ARHGAP19: variants seen among roughly 807,000 people sequenced by gnomAD.
The protein encoded by ARHGAP19 is Rho GTPase activating protein 19.
Under a neutral mutation model 60.9 loss-of-function variants are expected in ARHGAP19, and 48 were observed. The ratio of observed to expected loss-of-function variants is 0.79; its 90% confidence interval spans 0.62 to 1.00. The LOEUF (loss-of-function observed/expected upper bound fraction) is 1.00, where lower values mean the gene tolerates loss of function less well. Among genes scored for constraint, ARHGAP19 ranks in the 50% least tolerant of loss-of-function variants. The probability of loss-of-function intolerance (pLI) is 0.00; values close to 1 mark genes in which losing one functional copy is unlikely to be tolerated. For missense variants in ARHGAP19, 562 were observed against 597.2 expected (o/e 0.94, Z 0.61); for synonymous variants, 209 against 215.5 (o/e 0.97, Z 0.27).
intron 1 of ARHGAP19, chr10:97,270,539 T>C: frequency 7.4e-7 from 1 of 1,352,970 alleles, no homozygotes; most frequent in Non-Finnish European, 1.0e-6. Flanking sequence ...AAAACAACTT[T>C]CTACTCTACA....
intron 1 of ARHGAP19, 136 bp downstream of exon 1, chr10:97,292,436 C>T: frequency 2.6e-6 from 3 of 1,164,174 alleles, no homozygotes; most frequent in East Asian, 2.5e-5. Context: ...TCAGCCCCCG[C>T]AGGCGCGACG....
In ARHGAP19 at chr10:97,246,286, T is replaced by C. The variant is rs772438117; in HGVS notation, c.979A>G (p.Thr327Ala). Residue 327 changes from threonine (T) to alanine (A), a missense_variant, in exon 7 of 12, where the codon ACT becomes GCT. By Grantham distance (58) the Thr-to-Ala change is moderately conservative. Coordinates refer to ENST00000358531, the MANE Select transcript of ARHGAP19 (RefSeq NM_032900.6). ...CARLHYLGSR[T>A]QASKDDLDLI... is the part of the protein sequence containing the mutation. Reference sequence around the variant, plus strand: ...CCTATTCTTACCTTTGATGCCTGAGTTCTGGATCCCAAATAGTGCAATCTC... The same window carrying C: ...CCTATTCTTACCTTTGATGCCTGAGCTCTGGATCCCAAATAGTGCAATCTC... 7 of 1,613,744 alleles carry C rather than the reference T, an allele frequency of 4.3e-6. 1 individual carries two copies. The South Asian group carries it at 7.7e-5, about 18-fold the overall frequency.
At position 97,222,451 on chromosome 10, in the gene ARHGAP19, T is replaced by G. The variant is rs1318986065; in HGVS notation, c.*3671A>C. 6.6e-6 allele frequency: 1 copy of G among 152,210 alleles called. No homozygotes were observed. Among genetic ancestry groups the G allele is most frequent in the Non-Finnish European group, 1.5e-5 (1 of 68,068 alleles). 9.4% of individuals were successfully genotyped at this position (152,210 alleles called of 1,614,324 possible). On this transcript the variant is annotated 3_prime_UTR_variant, in exon 12 of 12. Coordinates refer to ENST00000358531, the MANE Select transcript of ARHGAP19 (RefSeq NM_032900.6). ...CATGGCCAGGGGAGGGCTCCATGGC[T>G]CTTTAGCACAGGCTGTGGCCTCACA...
At chr10:97,258,171 G>A (rs1284655108) in intron 5 of ARHGAP19, among the ~76,000 whole-genome samples, 1 of 152,110 alleles carries the variant, frequency 6.6e-6, no homozygotes, top group East Asian at 1.9e-4. Context: ...AAAAGCCTAT[G>A]CATAGAAAAG....
chr10:97,286,619 T>C (rs944703088), intron 1 of ARHGAP19, among the ~76,000 whole-genome samples: 1 of 152,212 alleles, frequency 6.6e-6, no homozygotes, highest in African/African-American at 2.4e-5. Context: ...AAGTCATGTT[T>C]ACTAACCAAT....
intron 6 of ARHGAP19, among the ~76,000 whole-genome samples, chr10:97,251,176 G>GAAGGGGAAGA (rs1842642299): frequency 1.0e-5 from 1 of 99,548 alleles, no homozygotes; most frequent in Non-Finnish European, 2.0e-5. Context: ...GAAGGGGAAG[G>GAAGGGGAAGA]GAAAGGGAAA....
At position 97,224,087 on chromosome 10, in the gene ARHGAP19, T is replaced by C. The variant is rs1322662292; in HGVS notation, c.*2035A>G. On this transcript the variant is annotated 3_prime_UTR_variant, in exon 12 of 12. Transcript: ENST00000358531. ...CATCTACATCCGTCTAAATCTCAGC[T>C]ACTTCCCTTAAATAGAATCAAAAAC... 2.0e-5 allele frequency: 3 copies of C among 152,228 alleles called. No individual in the cohort carries two copies. The highest frequency in any genetic ancestry group is 7.2e-5 in the African/African-American group (3 of 41,450). The allele number at this position is 152,228 out of a possible 1,614,324, so 9.4% of individuals were successfully genotyped here.
rs1007546620 is a variant in ARHGAP19 at position 97,292,514 on chromosome 10, G to A, written c.56+58C>T. 2.5e-6 allele frequency: 4 copies of A among 1,597,322 alleles called. No homozygotes were observed. The African/African-American group carries it at 4.0e-5, about 16-fold the overall frequency. On this transcript the variant is annotated intron_variant, in intron 1 of 11. Transcript: ENST00000358531. The stretch of plus-strand genomic sequence containing the variant: ...CGCCTCCGTGACCCAAGGCAAAGGC[G>A]GCAGGACTACCAGCCCAAGGCCGCG...
intron 6 of ARHGAP19, among the ~76,000 whole-genome samples, chr10:97,251,413 AGGAAGGGGAAG>A (rs1842658016): frequency 6.2e-5 from 1 of 16,112 alleles, no homozygotes; most frequent in Non-Finnish European, 1.1e-4. Flanking sequence ...GGGAAGGGAA[AGGAAGGGGAAG>A]GGAAGGGGAA....
chr10:97,250,529 G>A (rs1011204460), intron 6 of ARHGAP19, among the ~76,000 whole-genome samples: 2 of 151,556 alleles, frequency 1.3e-5, no homozygotes, highest in African/African-American at 4.8e-5. Flanking sequence ...GACTACAGGC[G>A]CCCACCACCA....
At chr10:97,260,462 G>A (rs977766007) in intron 4 of ARHGAP19, among the ~76,000 whole-genome samples, 42 of 151,798 alleles carry the variant, frequency 2.8e-4, no homozygotes, top group Admixed American at 5.2e-4. Flanking sequence ...CCTGGGAGGC[G>A]GAGCTTGCAG....
intron 1 of ARHGAP19, among the ~76,000 whole-genome samples, chr10:97,282,497 T>C (rs1325479270): frequency 6.6e-6 from 1 of 152,150 alleles, no homozygotes; most frequent in Non-Finnish European, 1.5e-5. Context: ...TTAAGCTAGT[T>C]TTAGTTTCTA....
At chr10:97,285,519 CTTT>C (rs1245251335) in intron 1 of ARHGAP19, among the ~76,000 whole-genome samples, 4 of 110,938 alleles carry the variant, frequency 3.6e-5, no homozygotes, top group Admixed American at 9.5e-5. Context: ...TTTTTTTTTG[CTTT>C]TTTTTTTTTT....
At chr10:97,259,690 A>G in intron 4 of ARHGAP19, 62 bp from the exon 5 acceptor site, 1 of 1,207,276 alleles carries the variant, frequency 8.3e-7, no homozygotes, top group Non-Finnish European at 1.2e-6. Context: ...AATCAGTGCT[A>G]TCACCATTAT....
At chr10:97,250,390 CT>C (rs34345215) in intron 6 of ARHGAP19, among the ~76,000 whole-genome samples, 129,216 of 139,924 alleles carry the variant, frequency 0.92, 60,245 homozygotes, top group East Asian at 0.99. Flanking sequence ...ATTTCTTTTT[CT>C]TTTTTTTTTT....
At chr10:97,257,284 T>C (rs1029384219) in intron 5 of ARHGAP19, among the ~76,000 whole-genome samples, 1 of 3,172 alleles carries the variant, frequency 3.2e-4, no homozygotes, top group African/African-American at 4.4e-4. Context: ...TTTAAATACT[T>C]TTTTTTTTTT....
At chr10:97,246,403 C>G (rs1842564726) in intron 6 of ARHGAP19, 66 bp from the exon 7 acceptor site, 1 of 1,271,482 alleles carries the variant, frequency 7.9e-7, no homozygotes, top group Admixed American at 1.8e-5. Flanking sequence ...TTTCAGGCCG[C>G]AAGGACAGTG....
intron 7 of ARHGAP19, among the ~76,000 whole-genome samples, chr10:97,245,008 CTTT>C (rs1442195777): frequency 6.6e-6 from 1 of 150,760 alleles, no homozygotes; most frequent in African/African-American, 2.4e-5. Context: ...TGCCTAACTT[CTTT>C]TTTCATTTTT....
At chr10:97,287,275 C>A (rs1843167866) in intron 1 of ARHGAP19, among the ~76,000 whole-genome samples, 1 of 152,068 alleles carries the variant, frequency 6.6e-6, no homozygotes, top group East Asian at 1.9e-4. Flanking sequence ...TTTGTGATTC[C>A]CCTTTAGTAT....
Sources: allele counts gnomAD v4.1 joint callset (sites outside exome capture counted in the v4.1 genomes callset), GRCh38; gene constraint gnomAD v4.1.1; transcripts MANE v1.5; gene names NCBI Gene and HGNC (gene_info 2026-07-23, HGNC 2026-07-21).